SPINK6: variants seen among roughly 807,000 people sequenced by gnomAD.
The protein encoded by SPINK6 is serine peptidase inhibitor Kazal type 6.
SPINK6 carries 13 observed loss-of-function variants against 11.7 expected under a neutral mutation model. The observed-to-expected ratio is 1.11, with a 90% CI of 0.72 to 1.76. The LOEUF (loss-of-function observed/expected upper bound fraction) is 1.76, where lower values mean the gene tolerates loss of function less well. SPINK6 is among the 40% of genes most tolerant of loss of function. The probability of loss-of-function intolerance (pLI) is 0.00; values close to 1 mark genes in which losing one functional copy is unlikely to be tolerated. For missense variants in SPINK6, 98 were observed against 93.7 expected (o/e 1.05, Z -0.19); for synonymous variants, 21 against 31.9 (o/e 0.66, Z 1.15).
intron 2 of SPINK6, among the ~76,000 whole-genome samples, chr5:148,212,589 A>G (rs1180630763): frequency 9.9e-6 from 1 of 101,132 alleles, no homozygotes; most frequent in Non-Finnish European, 1.8e-5. Context: ...ATATAAATAT[A>G]TTTTATATAA....
At position 148,207,553 on chromosome 5, in the gene SPINK6, G is replaced by A. The variant is rs542508486; in HGVS notation, c.81+1495G>A. Reference sequence around the variant, plus strand: ...TCTCCTTAAAACCTACTGAAGGGCCGGGCACGGTGCCTCATGCCTGTAATC... The same window carrying A: ...TCTCCTTAAAACCTACTGAAGGGCCAGGCACGGTGCCTCATGCCTGTAATC... On this transcript the variant is annotated intron_variant, in intron 2 of 3. Coordinates refer to ENST00000325630, the MANE Select transcript of SPINK6 (RefSeq NM_205841.4). 1.1e-3 allele frequency among the ~76,000 whole-genome samples: 171 copies of A among 152,240 alleles called. 1 individual carries two copies. Among genetic ancestry groups the A allele is most frequent in the East Asian group, 7.7e-4 (4 of 5,164 alleles).
rs756642559 is a variant in SPINK6, at chr5:148,214,024, G to T, written c.196G>T (p.Val66Leu). ...TAAATGTGCCTTCTGTAAGGCCATA[G>T]TGTAAGTATTATATTCATCAAAGCT... ...GNKCAFCKAI[V>L]KSGGKISLKH... Residue 66 changes from valine (V) to leucine (L), a missense_variant and splice_region_variant, in exon 3 of 4, where the codon GTG (valine) becomes TTG (leucine). Transcript: ENST00000325630. 1.3e-6 allele frequency: 2 copies of T among 1,573,632 alleles called. No homozygotes were observed. Among genetic ancestry groups the T allele is most frequent in the Admixed American group, 1.7e-5 (1 of 59,838 alleles).
Position 148,213,896 on chromosome 5 carries a change from G to C in SPINK6, c.82-14G>C, listed in dbSNP as rs1198045581. On this transcript the variant is annotated splice_polypyrimidine_tract_variant and intron_variant, in intron 2 of 3. Coordinates refer to ENST00000325630, the MANE Select transcript of SPINK6 (RefSeq NM_205841.4). ...AATGCACTGATGTCAATGTCACTCT[G>C]CTTACTTTGGTAGGTTGACTGTGGT... 7.3e-7 allele frequency: 1 copy of C among 1,375,612 alleles called. No individual in the cohort carries two copies. Among genetic ancestry groups the C allele is most frequent in the East Asian group, 2.3e-5 (1 of 43,878 alleles). The allele number at this position is 1,375,612 out of a possible 1,614,324, so 85.2% of individuals were successfully genotyped here. A position where few individuals can be genotyped will look rare whatever the true frequency, so the allele number is the denominator to read the frequency against.
At chr5:148,203,546 T>A (rs1438519427) in intron 1 of SPINK6, among the ~76,000 whole-genome samples, 1 of 152,214 alleles carries the variant, frequency 6.6e-6, no homozygotes. Context: ...TAATGTTTGT[T>A]CCATAAAACT....
chr5:148,209,963 C>CATATACACGTACGTATGTATGT lies in SPINK6; in HGVS notation c.81+3908_81+3909insTACACGTACGTATGTATGTATA, dbSNP rs1755549695. Among the ~76,000 whole-genome samples, 2 of 149,182 alleles carry CATATACACGTACGTATGTATGT rather than the reference C, an allele frequency of 1.3e-5. 1 individual carries two copies. Among genetic ancestry groups the CATATACACGTACGTATGTATGT allele is most frequent in the Admixed American group, 1.3e-4 (2 of 15,178 alleles). The stretch of plus-strand genomic sequence containing the variant: ...GTAAAAGGTTTCATATATATGTATA[C>CATATACACGTACGTATGTATGT]ATACATACGTACGTATGTATGTATA... On this transcript the variant is annotated intron_variant, in intron 2 of 3. Coordinates refer to ENST00000325630, the MANE Select transcript of SPINK6 (RefSeq NM_205841.4).
intron 2 of SPINK6, among the ~76,000 whole-genome samples, chr5:148,210,535 T>C (rs1755584296): frequency 6.6e-6 from 1 of 151,538 alleles, no homozygotes; most frequent in Admixed American, 6.6e-5. Context: ...GAGATATTTA[T>C]AAAAAATCTA....
Position 148,203,644 on chromosome 5 carries a change from G to T in SPINK6, c.58+490G>T, listed in dbSNP as rs6883447. ...TCCTCCCCTTAGTTATTATTACAAA[G>T]ACATTCAAATAATTAAATTAAGACA... On this transcript the variant is annotated intron_variant, in intron 1 of 3. Coordinates refer to ENST00000325630, the MANE Select transcript of SPINK6 (RefSeq NM_205841.4). Among the ~76,000 whole-genome samples the T allele has an allele frequency of 7.8e-3, 1,185 of 152,162 alleles. 18 individuals are homozygous for T. The highest frequency in any genetic ancestry group is 0.027 in the African/African-American group (1,137 of 41,530).
At position 148,214,902 on chromosome 5, in the gene SPINK6, T is replaced by A. The variant is rs1423394289; in HGVS notation, c.198-3T>A. The A allele has an allele frequency of 1.2e-6, 2 of 1,613,234 alleles. No individual in the cohort carries two copies. Among genetic ancestry groups the A allele is most frequent in the Non-Finnish European group, 1.7e-6 (2 of 1,179,506 alleles). On this transcript the variant is annotated splice_polypyrimidine_tract_variant and splice_region_variant and intron_variant, in intron 3 of 3. Transcript: ENST00000325630. ...AGTATATATTTGTCTTTCTTTTTTGTAGGAAAAGTGGTGGAAAGATTAGCC... is the reference window on the plus strand; with the variant it reads ...AGTATATATTTGTCTTTCTTTTTTGAAGGAAAAGTGGTGGAAAGATTAGCC...
At position 148,207,457 on chromosome 5, in the gene SPINK6, C is replaced by T. The variant is rs138685375; in HGVS notation, c.81+1399C>T. On this transcript the variant is annotated intron_variant, in intron 2 of 3. Coordinates refer to ENST00000325630, the MANE Select transcript of SPINK6 (RefSeq NM_205841.4). ...GTGGGGGTCCCTGCGTAGTACTTGGCGGGGTGTGTGGCTGGGAGAGATGGC... is the reference window on the plus strand; with the variant it reads ...GTGGGGGTCCCTGCGTAGTACTTGGTGGGGTGTGTGGCTGGGAGAGATGGC... Among the ~76,000 whole-genome samples the T allele has an allele frequency of 4.3e-4, 66 of 151,982 alleles. No homozygotes were observed. The East Asian group carries it at 8.8e-3, about 20-fold the overall frequency.
In SPINK6 at chr5:148,203,075, T is replaced by C. The variant is rs372273663; in HGVS notation, c.-22T>C. 1 of 1,600,572 alleles carries C rather than the reference T, an allele frequency of 6.2e-7. No homozygotes were observed. The highest frequency in any genetic ancestry group is 8.5e-7 in the Non-Finnish European group (1 of 1,175,760). On this transcript the variant is annotated 5_prime_UTR_variant, in exon 1 of 4. Coordinates refer to ENST00000325630, the MANE Select transcript of SPINK6 (RefSeq NM_205841.4). ...CCTCAGCTGGACAAAGCAGCCTTGA[T>C]CTGAGTGAGCTAACTGACACAATGA...
In SPINK6 at chr5:148,203,159, G is replaced by GT. The variant is rs755705939; in HGVS notation, c.58+11dup. ...CTCTTTTCTGCTTTTTAACAGGTAA[G>GT]TTTTTTCTTAAAATTAAGATCCCAT... On this transcript the variant is annotated splice_donor_region_variant and intron_variant, in intron 1 of 3. Transcript: ENST00000325630. 4 of 1,606,854 alleles carry GT rather than the reference G, an allele frequency of 2.5e-6. No individual in the cohort carries two copies. Among genetic ancestry groups the GT allele is most frequent in the East Asian group, 2.2e-5 (1 of 44,668 alleles).
At chr5:148,207,523 T>C (rs1755515600) in intron 2 of SPINK6, among the ~76,000 whole-genome samples, 2 of 152,012 alleles carry the variant, frequency 1.3e-5, no homozygotes, top group Non-Finnish European at 2.9e-5. Context: ...GAAGGAAGGC[T>C]GGGGTCTCCT....
chr5:148,214,200 A>T (rs1358357104), intron 3 of SPINK6, among the ~76,000 whole-genome samples, 175 bp downstream of exon 3: 1 of 152,194 alleles, frequency 6.6e-6, no homozygotes, highest in Non-Finnish European at 1.5e-5. Flanking sequence ...AAAACATTAC[A>T]TACTAAATTA....
intron 3 of SPINK6, 149 bp from the exon 4 acceptor site, chr5:148,214,756 C>A: frequency 1.6e-6 from 1 of 606,508 alleles, no homozygotes; most frequent in Non-Finnish European, 2.8e-6. Flanking sequence ...CCTCTGAGTG[C>A]ATTTAATTAA....
intron 2 of SPINK6, among the ~76,000 whole-genome samples, chr5:148,208,634 A>G (rs566811219): frequency 6.6e-6 from 1 of 152,338 alleles, no homozygotes; most frequent in Admixed American, 6.5e-5. Flanking sequence ...TATTCCAGTA[A>G]AATTTTCCCT....
rs1195584567 is a variant in SPINK6 at position 148,209,995 on chromosome 5, C to CGTATGTATGTATACATACACACGT, written c.82-3915_82-3914insGTATGTATGTATACATACACACGT. On this transcript the variant is annotated intron_variant, in intron 2 of 3. Coordinates refer to ENST00000325630, the MANE Select transcript of SPINK6 (RefSeq NM_205841.4). ...ACGTACGTATGTATGTATACATATA[C>CGTATGTATGTATACATACACACGT]ACGTATGTATACATGTATGTACGCA... Among the ~76,000 whole-genome samples, 63 of 117,452 alleles carry CGTATGTATGTATACATACACACGT rather than the reference C, an allele frequency of 5.4e-4. 14 individuals are homozygous for CGTATGTATGTATACATACACACGT. Among genetic ancestry groups the CGTATGTATGTATACATACACACGT allele is most frequent in the African/African-American group, 1.7e-3 (28 of 16,236 alleles). 77.1% of individuals were successfully genotyped at this position (117,452 alleles called of 152,430 possible).
intron 2 of SPINK6, among the ~76,000 whole-genome samples, chr5:148,209,938 G>A (rs1755548013): frequency 8.2e-5 from 1 of 12,138 alleles, no homozygotes; most frequent in Admixed American, 1.6e-3. Flanking sequence ...ATGAAATTGA[G>A]TAAAAGGTTT....
chr5:148,208,669 G>A (rs767700095), intron 2 of SPINK6, among the ~76,000 whole-genome samples: 1 of 152,140 alleles, frequency 6.6e-6, no homozygotes, highest in Non-Finnish European at 1.5e-5. Context: ...CTAATATGCT[G>A]ACAACTCTTT....
chr5:148,214,076 A>T (rs1262201263), intron 3 of SPINK6, 51 bp downstream of exon 3: 1 of 1,139,740 alleles, frequency 8.8e-7, no homozygotes, highest in Non-Finnish European at 1.3e-6. Context: ...AACTTCCATA[A>T]TAAGACTAAG....
Sources: gnomAD v4.1 joint callset for allele counts (sites outside exome capture counted in the v4.1 genomes callset) on GRCh38, gnomAD v4.1.1 for gene constraint, MANE v1.5 for transcripts, NCBI Gene and HGNC (gene_info 2026-07-23, HGNC 2026-07-21) for gene names.